The following SERPINE2 variants were observed in gnomAD, a reference collection of about 807,000 sequenced individuals.
SERPINE2 encodes serpin family E member 2.
Under a neutral mutation model 36.3 loss-of-function variants are expected in SERPINE2, and 14 were observed. The ratio of observed to expected loss-of-function variants is 0.39; its 90% CI spans 0.25 to 0.60. The LOEUF (loss-of-function observed/expected upper bound fraction) is 0.60, where lower values mean the gene tolerates loss of function less well. SERPINE2 is among the 20% of genes least tolerant of loss of function. SERPINE2 has a pLI of 0.57. For synonymous variants in SERPINE2, 192 were observed against 191.8 expected, an observed-to-expected ratio of 1.00 and a Z score of -0.01; for missense variants, 418 against 499.6, an observed-to-expected ratio of 0.84 and a Z score of 1.56.
chr2:223,976,448 A>G (rs957769081), intron 8 of SERPINE2, among the ~76,000 whole-genome samples: 14 of 152,110 alleles, frequency 9.2e-5, no homozygotes, highest in Non-Finnish European at 1.5e-5. Context: ...CACCGCACCC[A>G]ACCAGAAATT....
intron 1 of SERPINE2, among the ~76,000 whole-genome samples, chr2:224,032,178 G>A (rs1287455806): frequency 6.6e-6 from 1 of 152,170 alleles, no homozygotes; most frequent in East Asian, 1.9e-4. Flanking sequence ...TTTTAGTAGA[G>A]GAAGCAAACA....
chr2:224,009,781 G>A (rs958675040), intron 1 of SERPINE2, among the ~76,000 whole-genome samples: 2 of 152,066 alleles, frequency 1.3e-5, no homozygotes, highest in Non-Finnish European at 2.9e-5. Flanking sequence ...GTAAAATCGT[G>A]CTGTCCAGCA....
rs729631 is a variant in SERPINE2 at position 223,980,202 on chromosome 2, C to A, written c.1072+109G>T. The A allele has an allele frequency of 2.2e-4, 196 of 887,296 alleles. No individual in the cohort carries two copies. The African/African-American group carries it at 2.9e-3, about 13-fold the overall frequency. The allele number at this position is 887,296 out of a possible 1,614,324, so 55.0% of individuals were successfully genotyped here. ...TCTCCTGAGGGTTAACCCACACACA[C>A]TGCCTGGCTGGAAAGAGGGTGCATT... On this transcript the variant is annotated intron_variant, in intron 7 of 8. Transcript: ENST00000409304.
intron 1 of SERPINE2, among the ~76,000 whole-genome samples, chr2:224,012,418 A>G (rs1271630996): frequency 1.3e-5 from 2 of 152,184 alleles, no homozygotes; most frequent in Non-Finnish European, 2.9e-5. Context: ...AAAGTATGGT[A>G]TAATTAACTA....
rs867254336 is a variant in SERPINE2, at chr2:223,995,500, T to C, written c.487+2615A>G. The stretch of plus-strand genomic sequence containing the variant: ...ATGAAGAATTGTGCTGCTTCTCCCG[T>C]GGCTTTTCAATACCCCACCGGATCT... On this transcript the variant is annotated intron_variant, in intron 3 of 8. Coordinates refer to ENST00000409304, the MANE Select transcript of SERPINE2 (RefSeq NM_001136528.2). 1.5e-4 allele frequency among the ~76,000 whole-genome samples: 23 copies of C among 152,372 alleles called. 1 individual carries two copies. Among genetic ancestry groups the C allele is most frequent in the Middle Eastern group, 6.8e-3 (2 of 294 alleles).
chr2:224,014,549 G>A (rs1018678073), intron 1 of SERPINE2, among the ~76,000 whole-genome samples: 15 of 152,202 alleles, frequency 9.9e-5, no homozygotes, highest in Admixed American at 2.0e-4. Context: ...CGCCTGGGGC[G>A]AGAGTGGGAA....
At chr2:223,980,550 G>T (rs1320530199) in intron 6 of SERPINE2, 153 bp from the exon 7 acceptor site, 3 of 618,056 alleles carry the variant, frequency 4.9e-6, no homozygotes, top group Non-Finnish European at 8.7e-6. Context: ...GTTGAAGGCT[G>T]CAGACAGCTG....
intron 1 of SERPINE2, among the ~76,000 whole-genome samples, chr2:224,029,840 G>C (rs547994197): frequency 4.6e-5 from 7 of 152,002 alleles, no homozygotes; most frequent in African/African-American, 7.3e-5. Flanking sequence ...CTGGGATTAC[G>C]GGCGTGCGTC....
intron 1 of SERPINE2, among the ~76,000 whole-genome samples, chr2:224,002,467 A>G (rs1008306193): frequency 2.0e-5 from 3 of 151,876 alleles, no homozygotes; most frequent in Non-Finnish European, 4.4e-5. Flanking sequence ...TATACTAATC[A>G]TTATTTAATT....
chr2:223,998,078 A>T (rs368069493), intron 3 of SERPINE2, 37 bp downstream of exon 3: 1 of 1,535,394 alleles, frequency 6.5e-7, no homozygotes, highest in African/African-American at 1.4e-5. Context: ...CTTCATTCAC[A>T]AACTATGCAA....
intron 1 of SERPINE2, among the ~76,000 whole-genome samples, chr2:224,012,259 G>A (rs1691653520): frequency 6.6e-6 from 1 of 152,122 alleles, no homozygotes; most frequent in South Asian, 2.1e-4. Flanking sequence ...CTCAGGGATT[G>A]CTTCTGGGAG....
chr2:224,034,477 G>A (rs1273922554), intron 1 of SERPINE2, among the ~76,000 whole-genome samples: 2 of 152,140 alleles, frequency 1.3e-5, no homozygotes, highest in African/African-American at 4.8e-5. Context: ...ACAAGGCAAG[G>A]AGATGGGAAG....
In SERPINE2 at chr2:224,001,696, C is replaced by A. The variant is rs765692891; in HGVS notation, c.205G>T (p.Ala69Ser). 2 of 1,613,968 alleles carry A rather than the reference C, an allele frequency of 1.2e-6. No individual in the cohort carries two copies. Among genetic ancestry groups the A allele is most frequent in the African/African-American group, 1.3e-5 (1 of 74,930 alleles). ...ASVLGMLQLGADGRTKKQLAM... is the reference protein window; with the variant it reads ...ASVLGMLQLGSDGRTKKQLAM... ...AGCTGCTTCTTGGTCCTGCCGTCCG[C>A]CCCCAGCTGAAGCATCCCCAGGACC... is the stretch of plus-strand genomic sequence containing the variant. The change falls in exon 2 of 9, where the codon GCG becomes TCG. Residue 69 changes from alanine (A) to serine (S), a missense_variant. Ala to Ser is a moderately conservative substitution (Grantham distance 99). Coordinates refer to ENST00000409304, the MANE Select transcript of SERPINE2 (RefSeq NM_001136528.2).
chr2:224,020,529 C>A (rs566190049), intron 1 of SERPINE2, among the ~76,000 whole-genome samples: 4 of 152,180 alleles, frequency 2.6e-5, no homozygotes, highest in Admixed American at 6.5e-5. Flanking sequence ...CCCTCTTCAA[C>A]TAATATAATA....
chr2:224,028,463 C>A (rs1221045940), intron 1 of SERPINE2, among the ~76,000 whole-genome samples: 1 of 152,220 alleles, frequency 6.6e-6, no homozygotes, highest in Non-Finnish European at 1.5e-5. Flanking sequence ...AATGCTCTGA[C>A]CTTCAATCTG....
chr2:223,983,167 A>G (rs1251944707), intron 5 of SERPINE2, among the ~76,000 whole-genome samples: 2 of 152,252 alleles, frequency 1.3e-5, no homozygotes, highest in African/African-American at 4.8e-5. Context: ...AAAGTTCTCC[A>G]TATCCATCTT....
At chr2:223,993,132 A>AAAAAAG (rs1553544493) in intron 3 of SERPINE2, among the ~76,000 whole-genome samples, 1 of 16,054 alleles carries the variant, frequency 6.2e-5, no homozygotes, top group Non-Finnish European at 2.3e-4. Context: ...CTCTAAAAAA[A>AAAAAAG]ATAAGATAAA....
rs1017811931 is a variant in SERPINE2, at chr2:224,001,979, T to C, written c.-22-57A>G. 3.9e-4 allele frequency: 394 copies of C among 1,012,428 alleles called. 3 individuals carry two copies. The highest frequency in any genetic ancestry group is 2.5e-4 in the Non-Finnish European group (201 of 791,600). 62.7% of individuals were successfully genotyped at this position (1,012,428 alleles called of 1,614,324 possible). On this transcript the variant is annotated intron_variant, in intron 1 of 8. Coordinates refer to ENST00000409304, the MANE Select transcript of SERPINE2 (RefSeq NM_001136528.2). ...ATACTTAAATGGGTACTTTACTACTTTTTTTTTTTTTCCCCCAGATAGAGA... is the reference window on the plus strand; with the variant it reads ...ATACTTAAATGGGTACTTTACTACTCTTTTTTTTTTTCCCCCAGATAGAGA...
intron 1 of SERPINE2, among the ~76,000 whole-genome samples, chr2:224,034,178 G>A (rs376909437): frequency 1.4e-4 from 21 of 152,230 alleles, no homozygotes; most frequent in South Asian, 6.2e-4. Context: ...TACTGGATAG[G>A]GCATGTTGCT....
Sources: allele counts gnomAD v4.1 joint callset (sites outside exome capture counted in the v4.1 genomes callset), GRCh38; gene constraint gnomAD v4.1.1; transcripts MANE v1.5; gene names NCBI Gene and HGNC (gene_info 2026-07-23, HGNC 2026-07-21).